MRTFA: variants seen among roughly 807,000 people sequenced by gnomAD.
MRTFA encodes myocardin related transcription factor A.
A neutral mutation model predicts 83.5 loss-of-function variants in MRTFA; 20 were observed. The ratio of observed to expected loss-of-function variants is 0.24; its 90% CI spans 0.17 to 0.35. The LOEUF (loss-of-function observed/expected upper bound fraction) is 0.35, where lower values mean the gene tolerates loss of function less well. Among genes scored for constraint, MRTFA ranks in the 10% least tolerant of loss-of-function variants. The pLI is 1.00. For synonymous variants in MRTFA, 659 were observed against 541.2 expected (o/e 1.22, Z -3.02); for missense variants, 1,200 against 1,224.7 (o/e 0.98, Z 0.30).
intron 3 of MRTFA, among the ~76,000 whole-genome samples, chr22:40,474,028 T>A (rs1272838074): frequency 1.3e-5 from 2 of 152,190 alleles, no homozygotes; most frequent in African/African-American, 4.8e-5. Flanking sequence ...AGAGAGATCT[T>A]CTCTATTCAC....
At chr22:40,485,496 A>T (rs937163670) in intron 3 of MRTFA, among the ~76,000 whole-genome samples, 6 of 152,064 alleles carry the variant, frequency 3.9e-5, no homozygotes, top group African/African-American at 7.2e-5. Context: ...GTATCAGATT[A>T]AAAAAAATCA....
intron 1 of MRTFA, among the ~76,000 whole-genome samples, chr22:40,624,555 A>G (rs1174492445): frequency 6.6e-6 from 1 of 152,190 alleles, no homozygotes; most frequent in Non-Finnish European, 1.5e-5. Flanking sequence ...TCTAAACAGT[A>G]GGGAAACCAA....
intron 5 of MRTFA, among the ~76,000 whole-genome samples, chr22:40,434,363 G>A (rs1321003149): frequency 2.6e-5 from 4 of 151,140 alleles, no homozygotes; most frequent in Admixed American, 2.6e-4. Context: ...CTGGGGAGAG[G>A]GGAATGAAAG....
chr22:40,493,961 G>C (rs1455438622), intron 3 of MRTFA, among the ~76,000 whole-genome samples: 5 of 152,192 alleles, frequency 3.3e-5, no homozygotes, highest in Non-Finnish European at 7.3e-5. Context: ...TGAATTTAGA[G>C]TTGCCTAGCT....
At chr22:40,581,684 T>A (rs1204861567) in intron 2 of MRTFA, among the ~76,000 whole-genome samples, 3 of 152,068 alleles carry the variant, frequency 2.0e-5, no homozygotes, top group African/African-American at 7.2e-5. Context: ...ATCCACAGAG[T>A]CAGACACTAT....
At chr22:40,481,849 AG>A (rs2054097546) in intron 3 of MRTFA, among the ~76,000 whole-genome samples, 1 of 152,126 alleles carries the variant, frequency 6.6e-6, no homozygotes, top group Admixed American at 6.5e-5. Context: ...TCACAAGGTC[AG>A]GAGATCGAGA....
At chr22:40,513,017 A>C (rs1285039064) in intron 3 of MRTFA, among the ~76,000 whole-genome samples, 1 of 152,240 alleles carries the variant, frequency 6.6e-6, no homozygotes, top group Non-Finnish European at 1.5e-5. Flanking sequence ...TAGAAAGCTT[A>C]AAGTAACAAA....
At chr22:40,502,137 G>C (rs1569300200) in intron 3 of MRTFA, among the ~76,000 whole-genome samples, 1 of 143,178 alleles carries the variant, frequency 7.0e-6, no homozygotes, top group African/African-American at 2.6e-5. Context: ...TCCCGGACGG[G>C]GCGGCTGGCC....
intron 5 of MRTFA, 76 bp downstream of exon 5, chr22:40,435,423 T>C: frequency 1.4e-6 from 2 of 1,476,896 alleles, no homozygotes; most frequent in Non-Finnish European, 1.9e-6. Flanking sequence ...AAGCTCTAAA[T>C]GGAAATATAA....
intron 4 of MRTFA, among the ~76,000 whole-genome samples, chr22:40,461,545 G>A (rs2053712197): frequency 6.6e-6 from 1 of 151,216 alleles, no homozygotes; most frequent in Admixed American, 6.6e-5. Flanking sequence ...AGCACTTTGG[G>A]AGGCTGAGGC....
At chr22:40,543,117 A>C (rs1208772334) in intron 3 of MRTFA, among the ~76,000 whole-genome samples, 1 of 152,212 alleles carries the variant, frequency 6.6e-6, no homozygotes, top group Non-Finnish European at 1.5e-5. Context: ...TAATCAATTG[A>C]CATGCCTAAG....
chr22:40,562,209 T>C (rs1602432363), intron 2 of MRTFA, among the ~76,000 whole-genome samples: 1 of 119,512 alleles, frequency 8.4e-6, no homozygotes, highest in African/African-American at 3.4e-5. Flanking sequence ...AGAGCGAGAC[T>C]CCATCTCAAA....
Position 40,533,534 on chromosome 22 carries a change from A to G in MRTFA, c.241+18572T>C, listed in dbSNP as rs980833805. The stretch of plus-strand genomic sequence containing the variant: ...TTTTTTTTAAAGAAGCCTGTGGCAA[A>G]TAAGATTTGTAGGAAATTATTAGCA... On this transcript the variant is annotated intron_variant, in intron 3 of 14. Coordinates refer to ENST00000355630, the MANE Select transcript of MRTFA (RefSeq NM_020831.6). The G allele has an allele frequency of 1.5e-5, 16 of 1,102,620 alleles. No individual in the cohort carries two copies. The Admixed American group carries it at 1.7e-4, about 12-fold the overall frequency. 68.3% of individuals were successfully genotyped at this position (1,102,620 alleles called of 1,614,324 possible). A position where few individuals can be genotyped will look rare whatever the true frequency, so the allele number is the denominator to read the frequency against.
intron 7 of MRTFA, 176 bp downstream of exon 7, chr22:40,429,430 G>C: frequency 1.3e-6 from 1 of 750,672 alleles, no homozygotes; most frequent in South Asian, 1.5e-5. Context: ...ACTATCCCAA[G>C]TTCATACAAC....
At chr22:40,602,202 A>G (rs957597634) in intron 1 of MRTFA, among the ~76,000 whole-genome samples, 3 of 152,192 alleles carry the variant, frequency 2.0e-5, no homozygotes, top group Non-Finnish European at 4.4e-5. Context: ...ACACCATCTC[A>G]GCATTGGAAA....
chr22:40,580,102 T>G (rs368883118), intron 2 of MRTFA, among the ~76,000 whole-genome samples: 6 of 152,212 alleles, frequency 3.9e-5, no homozygotes, highest in African/African-American at 1.4e-4. Flanking sequence ...CATTAATGAC[T>G]ATTAGGATGA....
intron 6 of MRTFA, among the ~76,000 whole-genome samples, chr22:40,431,167 G>T (rs1202314509): frequency 6.6e-6 from 1 of 152,204 alleles, no homozygotes; most frequent in African/African-American, 2.4e-5. Flanking sequence ...ACCAAGGGAT[G>T]GTGAGACCCT....
At chr22:40,519,270 A>C (rs2054817876) in intron 3 of MRTFA, among the ~76,000 whole-genome samples, 1 of 152,218 alleles carries the variant, frequency 6.6e-6, no homozygotes, top group African/African-American at 2.4e-5. Context: ...GAGGATGGGT[A>C]CATGGCGTAG....
chr22:40,498,280 T>TATATATATATATTTATATATATATATA, intron 3 of MRTFA, among the ~76,000 whole-genome samples: 1 of 100,380 alleles, frequency 1.0e-5, no homozygotes, highest in Non-Finnish European at 2.1e-5. Flanking sequence ...TATATTTTTT[T>TATATATATATATTTATATATATATATA]TTTTTTTTTT....
Sources: gnomAD v4.1 joint callset for allele counts (sites outside exome capture counted in the v4.1 genomes callset) on GRCh38, gnomAD v4.1.1 for gene constraint, MANE v1.5 for transcripts, NCBI Gene and HGNC (gene_info 2026-07-23, HGNC 2026-07-21) for gene names.